The following PCDH7 variants were observed in gnomAD, a reference collection of about 807,000 sequenced individuals.
PCDH7 encodes the protein protocadherin 7, also known as protocadherin-7.
In PCDH7, 17 loss-of-function variants were observed where a neutral mutation model predicts 58.9. The ratio of observed to expected loss-of-function variants is 0.29; its 90% CI spans 0.20 to 0.43. The LOEUF is 0.43. PCDH7 is among the 20% of genes least tolerant of loss of function. PCDH7 has a pLI of 1.00. For synonymous variants in PCDH7, 664 were observed against 616.4 expected (o/e 1.08, Z -1.14); for missense variants, 1,274 against 1,441.0 (o/e 0.88, Z 1.88).
chr4:31,082,997 A>G (rs1446145573), intron 3 of PCDH7, among the ~76,000 whole-genome samples: 2 of 152,078 alleles, frequency 1.3e-5, no homozygotes, highest in African/African-American at 2.4e-5. Context: ...AGTCCCAGCT[A>G]CTCGGGAGGC....
intron 1 of PCDH7, among the ~76,000 whole-genome samples, chr4:30,774,004 C>T (rs1304618161): frequency 6.6e-6 from 1 of 152,174 alleles, no homozygotes; most frequent in Non-Finnish European, 1.5e-5. Context: ...GTACCACATG[C>T]TTCTAAGTTC....
At chr4:30,898,715 C>T (rs1267180792) in intron 1 of PCDH7, among the ~76,000 whole-genome samples, 1 of 152,142 alleles carries the variant, frequency 6.6e-6, no homozygotes, top group Non-Finnish European at 1.5e-5. Flanking sequence ...GTGAGCCTCC[C>T]GAGTAGCTGG....
intron 1 of PCDH7, among the ~76,000 whole-genome samples, chr4:30,856,543 A>C (rs1173158635): frequency 1.3e-5 from 2 of 152,084 alleles, no homozygotes; most frequent in Non-Finnish European, 2.9e-5. Flanking sequence ...GTTGTATACC[A>C]GTATAAGCTT....
chr4:30,967,819 C>A (rs1749128006), intron 3 of PCDH7, among the ~76,000 whole-genome samples: 2 of 152,026 alleles, frequency 1.3e-5, no homozygotes, highest in South Asian at 4.1e-4. Flanking sequence ...ATAGTACACC[C>A]CCAATTAAGA....
chr4:31,077,666 C>T (rs1017144324), intron 3 of PCDH7, among the ~76,000 whole-genome samples: 1 of 152,102 alleles, frequency 6.6e-6, no homozygotes, highest in African/African-American at 2.4e-5. Context: ...TTGTTAAGAG[C>T]TTGCTTTGGT....
In PCDH7 at chr4:30,723,523, G is replaced by A; in HGVS notation, c.2101G>A (p.Asp701Asn). 6.2e-7 allele frequency: 1 copy of A among 1,614,132 alleles called. No individual in the cohort carries two copies. Among genetic ancestry groups the A allele is most frequent in the Non-Finnish European group, 8.5e-7 (1 of 1,180,032 alleles). ...GACCATTTACTCCACAATGTCTTTT[G>A]ACCGGGAACATCAGACCACATACAC... is the stretch of plus-strand genomic sequence containing the variant. The change falls in exon 1 of 2, where the codon GAC (aspartate) becomes AAC (asparagine). Residue 701 changes from aspartate (D) to asparagine (N), a missense_variant. Physicochemically the swap from Asp to Asn is conservative, Grantham distance 23. Transcript: ENST00000361762. This position sits in a 1 kb window ranked among gnomAD's most constrained non-coding sequence, Gnocchi z 4.6.
intron 1 of PCDH7, among the ~76,000 whole-genome samples, chr4:30,772,297 C>A (rs968014573): frequency 1.3e-5 from 2 of 152,210 alleles, no homozygotes; most frequent in African/African-American, 4.8e-5. Flanking sequence ...TATGAGAAAT[C>A]AGCGGAAGAC....
intron 1 of PCDH7, among the ~76,000 whole-genome samples, chr4:30,852,065 T>C (rs1478424696): frequency 6.6e-6 from 1 of 152,144 alleles, no homozygotes; most frequent in African/African-American, 2.4e-5. Flanking sequence ...TGCTATCTTA[T>C]GTTATTAACC....
intron 1 of PCDH7, among the ~76,000 whole-genome samples, chr4:30,875,748 G>A (rs1736206614): frequency 6.6e-6 from 1 of 151,992 alleles, no homozygotes; most frequent in South Asian, 2.1e-4. Context: ...TTAGCTTAAG[G>A]TTCTTAGTTA....
chr4:30,741,441 G>A (rs1005585049), intron 1 of PCDH7, among the ~76,000 whole-genome samples: 4 of 151,932 alleles, frequency 2.6e-5, no homozygotes, highest in Non-Finnish European at 4.4e-5. Context: ...CCATCTGCCC[G>A]CCTTGGCCTC....
At chr4:30,906,308 T>C (rs1740916572) in intron 1 of PCDH7, among the ~76,000 whole-genome samples, 1 of 152,194 alleles carries the variant, frequency 6.6e-6, no homozygotes, top group South Asian at 2.1e-4. Flanking sequence ...ATATCACCTA[T>C]TAAAATTCCC....
At chr4:31,009,645 A>G (rs1032988801) in intron 3 of PCDH7, among the ~76,000 whole-genome samples, 6 of 151,912 alleles carry the variant, frequency 3.9e-5, no homozygotes, top group Non-Finnish European at 7.4e-5. Context: ...ATATATCTAT[A>G]TATATTCATC....
At chr4:30,788,635 C>T (rs547738341) in intron 1 of PCDH7, among the ~76,000 whole-genome samples, 1 of 152,148 alleles carries the variant, frequency 6.6e-6, no homozygotes, top group East Asian at 1.9e-4. Context: ...ATATTGCTGG[C>T]TTTTAGAATA....
chr4:31,064,141 G>A (rs1229596131), intron 3 of PCDH7, among the ~76,000 whole-genome samples: 2 of 151,934 alleles, frequency 1.3e-5, no homozygotes, highest in Non-Finnish European at 1.5e-5. Context: ...AAGCTAGAAT[G>A]CTGTTTTTAA....
At chr4:31,062,634 A>T (rs963813274) in intron 3 of PCDH7, among the ~76,000 whole-genome samples, 2 of 151,776 alleles carry the variant, frequency 1.3e-5, no homozygotes, top group Non-Finnish European at 2.9e-5. Context: ...GAAAATCAAT[A>T]AAAACAATTT....
intron 3 of PCDH7, among the ~76,000 whole-genome samples, chr4:30,963,462 A>T (rs1270604914): frequency 1.3e-5 from 2 of 152,244 alleles, no homozygotes; most frequent in Admixed American, 1.3e-4. Context: ...TTTTATAAAA[A>T]TAGTGGTAAT....
chr4:31,039,532 G>T (rs1755677845), intron 3 of PCDH7, among the ~76,000 whole-genome samples: 1 of 152,114 alleles, frequency 6.6e-6, no homozygotes, highest in African/African-American at 2.4e-5. Flanking sequence ...AAGTAGCTGG[G>T]ACTACAGGCA....
intron 3 of PCDH7, among the ~76,000 whole-genome samples, chr4:31,027,568 A>G (rs1259256250): frequency 6.6e-6 from 1 of 151,924 alleles, no homozygotes; most frequent in Non-Finnish European, 1.5e-5. Context: ...GATTATAGCC[A>G]TGCACCACCA....
intron 3 of PCDH7, among the ~76,000 whole-genome samples, chr4:30,986,413 G>T (rs1445908301): frequency 6.6e-6 from 1 of 151,648 alleles, no homozygotes; most frequent in Admixed American, 6.6e-5. Flanking sequence ...ACACAGAAAA[G>T]CAAAAAACAA....
Sources: allele counts gnomAD v4.1 joint callset (sites outside exome capture counted in the v4.1 genomes callset), GRCh38; gene constraint gnomAD v4.1.1; non-coding constraint Gnocchi (gnomAD v3.1); transcripts MANE v1.5; gene names NCBI Gene and HGNC (gene_info 2026-07-23, HGNC 2026-07-21).